The following SAP30L variants were observed in gnomAD, a reference collection of about 807,000 sequenced individuals.
SAP30L encodes the protein SAP30 like, also known as histone deacetylase complex subunit SAP30L.
A neutral mutation model predicts 22.3 loss-of-function variants in SAP30L; 10 were observed. The observed-to-expected ratio is 0.45, with a 90% CI of 0.28 to 0.76. The LOEUF (loss-of-function observed/expected upper bound fraction) is 0.76, where lower values mean the gene tolerates loss of function less well. Ranked by LOEUF, SAP30L falls within the 30% of genes least tolerant of loss-of-function variation. The pLI, the probability that SAP30L is intolerant of heterozygous loss-of-function variation, is 0.14. For missense variants in SAP30L, 206 were observed against 237.9 expected, an observed-to-expected ratio of 0.87 and a Z score of 0.88; for synonymous variants, 91 against 94.1, an observed-to-expected ratio of 0.97 and a Z score of 0.19.
In SAP30L at chr5:154,446,384, C is replaced by G. The variant is rs1488060760; in HGVS notation, c.-221C>G. 11 of 401,780 alleles carry G rather than the reference C, an allele frequency of 2.7e-5. No individual in the cohort carries two copies. The highest frequency in any genetic ancestry group is 2.7e-4 in the Admixed American group (6 of 21,956). The allele number at this position is 401,780 out of a possible 1,614,324, so 24.9% of individuals were successfully genotyped here. The stretch of plus-strand genomic sequence containing the variant: ...GGGCCCTGCGAGCCGCGGGAGCCGA[C>G]CCCGGGGCCTCGAGCCGGGAGGAAG... On this transcript the variant is annotated 5_prime_UTR_variant, in exon 1 of 4. Transcript: ENST00000297109.
chr5:154,446,251 G>T lies in SAP30L; in HGVS notation c.-354G>T. On this transcript the variant is annotated 5_prime_UTR_variant, in exon 1 of 4. Transcript: ENST00000297109. The stretch of plus-strand genomic sequence containing the variant: ...CGAAACCCCCTGGCAACCCAGGCCC[G>T]GAGTCCTTGGGGAGCGGCTGTTTCC... 1 of 214,726 alleles carries T rather than the reference G, an allele frequency of 4.7e-6. No individual in the cohort carries two copies. The highest frequency in any genetic ancestry group is 9.7e-5 in the East Asian group (1 of 10,290). The allele number at this position is 214,726 out of a possible 1,614,324, so 13.3% of individuals were successfully genotyped here.
Position 154,446,529 on chromosome 5 carries a change from C to G in SAP30L, c.-76C>G. 1 of 1,251,574 alleles carries G rather than the reference C, an allele frequency of 8.0e-7. No homozygotes were observed. The highest frequency in any genetic ancestry group is 1.8e-5 in the South Asian group (1 of 55,450). The allele number at this position is 1,251,574 out of a possible 1,614,324, so 77.5% of individuals were successfully genotyped here. On this transcript the variant is annotated 5_prime_UTR_variant, in exon 1 of 4. Coordinates refer to ENST00000297109, the MANE Select transcript of SAP30L (RefSeq NM_024632.6). The stretch of plus-strand genomic sequence containing the variant: ...CCTCGGCTGCGGGGGTCTCAGCGAC[C>G]TGCCCCGCGGCAAGCGCGGCCGCGG...
chr5:154,452,424 C>T (rs1757163416), intron 2 of SAP30L: 2 of 963,272 alleles, frequency 2.1e-6, no homozygotes, highest in African/African-American at 3.6e-5. Context: ...GGACTTTGGC[C>T]CCTCATATTG....
rs187378952 is a variant in SAP30L at position 154,453,001 on chromosome 5, T to G, written c.325-401T>G. The G allele has an allele frequency of 2.1e-3, 363 of 169,848 alleles. 2 individuals carry two copies. In the Middle Eastern group the frequency reaches 0.038, roughly 18 times the overall value. 10.5% of individuals were successfully genotyped at this position (169,848 alleles called of 1,614,324 possible). On this transcript the variant is annotated intron_variant, in intron 2 of 3. Transcript: ENST00000297109. Reference sequence around the variant, plus strand: ...CCACCCTCTGTGATAGCTCCTTCTGTTTTTCTGGATGTGCTACCATCCATT... The same window carrying G: ...CCACCCTCTGTGATAGCTCCTTCTGGTTTTCTGGATGTGCTACCATCCATT...
In SAP30L at chr5:154,459,763, G is replaced by A. The variant is rs1757335731; in HGVS notation, c.*3735G>A. ...TCATCAGGAAATTGTTCAGCTGGAG[G>A]ATTTATAACTTCGTTGCTTTGCATG... On this transcript the variant is annotated 3_prime_UTR_variant, in exon 4 of 4. Coordinates refer to ENST00000297109, the MANE Select transcript of SAP30L (RefSeq NM_024632.6). The A allele has an allele frequency of 6.6e-6, 1 of 152,214 alleles. No homozygotes were observed. Among genetic ancestry groups the A allele is most frequent in the Non-Finnish European group, 1.5e-5 (1 of 68,062 alleles). 9.4% of individuals were successfully genotyped at this position (152,214 alleles called of 1,614,324 possible).
intron 1 of SAP30L, among the ~76,000 whole-genome samples, chr5:154,448,947 A>G (rs1281530609): frequency 6.6e-6 from 1 of 152,186 alleles, no homozygotes; most frequent in African/African-American, 2.4e-5. Context: ...GGTATGTTAC[A>G]AGAATTTTTA....
chr5:154,451,757 A>G (rs1444079841), intron 2 of SAP30L, among the ~76,000 whole-genome samples: 7 of 152,134 alleles, frequency 4.6e-5, no homozygotes, highest in Non-Finnish European at 8.8e-5. Flanking sequence ...CACTGTTGAC[A>G]TTTGGGGTCA....
chr5:154,453,249 A>C (rs150092937), intron 2 of SAP30L, 153 bp from the exon 3 acceptor site: 1 of 567,170 alleles, frequency 1.8e-6, no homozygotes, highest in Non-Finnish European at 3.2e-6. Flanking sequence ...CCTCCTAGCC[A>C]GTTACTAGTC....
chr5:154,459,726 CG>C lies in SAP30L; in HGVS notation c.*3700del, dbSNP rs1463531364. ...CAGTTCTGTGCTTGCCCCACAAAAA[CG>C]GATGCTCACATCATCAGGAAATTGT... is the stretch of plus-strand genomic sequence containing the variant. On this transcript the variant is annotated 3_prime_UTR_variant, in exon 4 of 4. Transcript: ENST00000297109. The C allele has an allele frequency of 6.6e-6, 1 of 152,176 alleles. No homozygotes were observed. Among genetic ancestry groups the C allele is most frequent in the Non-Finnish European group, 1.5e-5 (1 of 68,036 alleles). 9.4% of individuals were successfully genotyped at this position (152,176 alleles called of 1,614,324 possible). A position where few individuals can be genotyped will look rare whatever the true frequency, so the allele number is the denominator to read the frequency against.
chr5:154,446,292 G>A lies in SAP30L; in HGVS notation c.-313G>A. On this transcript the variant is annotated 5_prime_UTR_variant, in exon 1 of 4. Transcript: ENST00000297109. Reference sequence around the variant, plus strand: ...GGCTGTTTCCTGGGACGCCCTCCCGGACACCCCCGCTGCAGGGTTACGGTT... The same window carrying A: ...GGCTGTTTCCTGGGACGCCCTCCCGAACACCCCCGCTGCAGGGTTACGGTT... The A allele has an allele frequency of 3.5e-6, 1 of 286,858 alleles. No individual in the cohort carries two copies. Among genetic ancestry groups the A allele is most frequent in the Non-Finnish European group, 6.5e-6 (1 of 154,586 alleles). The allele number at this position is 286,858 out of a possible 1,614,324, so 17.8% of individuals were successfully genotyped here.
In SAP30L at chr5:154,456,957, G is replaced by A. The variant is rs1282992014; in HGVS notation, c.*929G>A. The A allele has an allele frequency of 4.6e-5, 7 of 152,184 alleles. No homozygotes were observed. The allele number at this position is 152,184 out of a possible 1,614,324, so 9.4% of individuals were successfully genotyped here. A position where few individuals can be genotyped will look rare whatever the true frequency, so the allele number is the denominator to read the frequency against. Reference sequence around the variant, plus strand: ...GTATTTTTAGAAGTTTTCATCCTAAGTTCACAACCACCATGCAAGCTGCCA... The same window carrying A: ...GTATTTTTAGAAGTTTTCATCCTAAATTCACAACCACCATGCAAGCTGCCA... On this transcript the variant is annotated 3_prime_UTR_variant, in exon 4 of 4. Coordinates refer to ENST00000297109, the MANE Select transcript of SAP30L (RefSeq NM_024632.6).
chr5:154,447,581 A>G (rs938255816), intron 1 of SAP30L, among the ~76,000 whole-genome samples: 30 of 152,348 alleles, frequency 2.0e-4, no homozygotes, highest in African/African-American at 6.5e-4. Flanking sequence ...TTAGTTTGAC[A>G]TCTGTTGCTA....
intron 2 of SAP30L, chr5:154,451,430 A>G (rs1582041391): frequency 3.5e-6 from 2 of 576,872 alleles, no homozygotes; most frequent in South Asian, 4.6e-5. Context: ...AGACAGGCAC[A>G]GAGAGCCGAG....
chr5:154,453,371 A>G, intron 2 of SAP30L, 31 bp from the exon 3 acceptor site: 1 of 1,535,356 alleles, frequency 6.5e-7, no homozygotes, highest in Non-Finnish European at 9.0e-7. Context: ...TGGTCAGGTG[A>G]TGGATAACAT....
Position 154,459,965 on chromosome 5 carries a change from G to A in SAP30L, c.*3937G>A, listed in dbSNP as rs575607994. The A allele has an allele frequency of 2.4e-4, 36 of 152,284 alleles. No individual in the cohort carries two copies. Among genetic ancestry groups the A allele is most frequent in the African/African-American group, 8.7e-4 (36 of 41,558 alleles). The allele number at this position is 152,284 out of a possible 1,614,324, so 9.4% of individuals were successfully genotyped here. A position where few individuals can be genotyped will look rare whatever the true frequency, so the allele number is the denominator to read the frequency against. On this transcript the variant is annotated 3_prime_UTR_variant, in exon 4 of 4. Coordinates refer to ENST00000297109, the MANE Select transcript of SAP30L (RefSeq NM_024632.6). ...GCTGTTGTCCAATCATCCGTTTTTA[G>A]AGATGGGGAAACTAAAACTCAAAAA... is the stretch of plus-strand genomic sequence containing the variant.
Position 154,446,417 on chromosome 5 carries a change from C to T in SAP30L, c.-188C>T, listed in dbSNP as rs994844179. ...CCTCGAGCCGGGAGGAAGGGGGCTTCCGGAGGCGGAGGGCCGGGGGCCGAG... is the reference window on the plus strand; with the variant it reads ...CCTCGAGCCGGGAGGAAGGGGGCTTTCGGAGGCGGAGGGCCGGGGGCCGAG... On this transcript the variant is annotated 5_prime_UTR_variant, in exon 1 of 4. Transcript: ENST00000297109. 1.8e-5 allele frequency: 8 copies of T among 445,488 alleles called. No homozygotes were observed. The highest frequency in any genetic ancestry group is 1.2e-4 in the African/African-American group (6 of 48,778). 27.6% of individuals were successfully genotyped at this position (445,488 alleles called of 1,614,324 possible).
At position 154,458,917 on chromosome 5, in the gene SAP30L, A is replaced by T. The variant is rs760833367; in HGVS notation, c.*2889A>T. ...TAAAATGAAGAGGAATTTTACTTAC[A>T]TGTTACAGCTGCCAAGTTTTTAGAT... On this transcript the variant is annotated 3_prime_UTR_variant, in exon 4 of 4. Transcript: ENST00000297109. 1 of 152,254 alleles carries T rather than the reference A, an allele frequency of 6.6e-6. No individual in the cohort carries two copies. Among genetic ancestry groups the T allele is most frequent in the Non-Finnish European group, 1.5e-5 (1 of 68,046 alleles). The allele number at this position is 152,254 out of a possible 1,614,324, so 9.4% of individuals were successfully genotyped here. A position where few individuals can be genotyped will look rare whatever the true frequency, so the allele number is the denominator to read the frequency against.
At chr5:154,448,597 AT>A (rs1757075302) in intron 1 of SAP30L, among the ~76,000 whole-genome samples, 1 of 152,212 alleles carries the variant, frequency 6.6e-6, no homozygotes, top group African/African-American at 2.4e-5. Flanking sequence ...TATAATAATA[AT>A]TTCCAGTCCT....
At position 154,446,707 on chromosome 5, in the gene SAP30L, G is replaced by C. The variant is rs371311179; in HGVS notation, c.103G>C (p.Gly35Arg). The C allele has an allele frequency of 5.0e-6, 8 of 1,599,110 alleles. No individual in the cohort carries two copies. The highest frequency in any genetic ancestry group is 6.8e-6 in the Non-Finnish European group (8 of 1,175,604). Reference protein sequence around the residue: ...YGQSCCLIEDGERCVRPAGNA... With the variant: ...YGQSCCLIEDRERCVRPAGNA... ...CCAGAGCTGCTGCCTCATCGAGGAC[G>C]GCGAGCGCTGCGTCCGGCCCGCGGG... The change falls in exon 1 of 4, where the codon GGC (glycine) becomes CGC (arginine). Residue 35 changes from glycine to arginine, a missense_variant. Gly to Arg is a moderately radical substitution (Grantham distance 125). Around this residue, in one of 2 missense-constraint regions of SAP30L, gnomAD observed 70 missense variants for 50.5 expected, o/e 1.39. Transcript: ENST00000297109.
Sources: gnomAD v4.1 joint callset for allele counts (sites outside exome capture counted in the v4.1 genomes callset) on GRCh38, gnomAD v4.1.1 for gene constraint, gnomAD v4.1.1 regional missense constraint, MANE v1.5 for transcripts, NCBI Gene and HGNC (gene_info 2026-07-23, HGNC 2026-07-21) for gene names.